Variants in CACNA1A observed in about 807,000 individuals in gnomAD.
CACNA1A encodes calcium voltage-gated channel subunit alpha1 A.
CACNA1A carries 57 observed loss-of-function variants against 262.4 expected under a neutral mutation model. The ratio of observed to expected loss-of-function variants is 0.22; its 90% CI spans 0.18 to 0.27. CACNA1A has a LOEUF of 0.27. Ranked by LOEUF, CACNA1A falls within the 10% of genes least tolerant of loss-of-function variation. CACNA1A has a pLI of 1.00. For synonymous variants in CACNA1A, 1,431 were observed against 1,419.3 expected, an observed-to-expected ratio of 1.01 and a Z score of -0.18; for missense variants, 2,526 against 3,562.8, an observed-to-expected ratio of 0.71 and a Z score of 7.41.
At chr19:13,358,722 G>A (rs1282151137) in intron 6 of CACNA1A, among the ~76,000 whole-genome samples, 1 of 152,146 alleles carries the variant, frequency 6.6e-6, no homozygotes, top group Non-Finnish European at 1.5e-5. Flanking sequence ...TTAAGATCTA[G>A]GGCAAGAGTA....
chr19:13,380,563 T>C (rs1459338102), intron 3 of CACNA1A, among the ~76,000 whole-genome samples: 1 of 139,964 alleles, frequency 7.1e-6, no homozygotes, highest in Non-Finnish European at 1.5e-5. Context: ...GGCGAACTGC[T>C]TGAACCCATG....
At chr19:13,380,729 ATTGG>A (rs1219630156) in intron 3 of CACNA1A, among the ~76,000 whole-genome samples, 1 of 139,056 alleles carries the variant, frequency 7.2e-6, no homozygotes, top group Non-Finnish European at 1.5e-5. Context: ...AAATTCATTT[ATTGG>A]TTTGTTTGTT....
intron 24 of CACNA1A, among the ~76,000 whole-genome samples, chr19:13,267,243 A>G (rs1358905682): frequency 6.6e-6 from 1 of 152,174 alleles, no homozygotes; most frequent in Non-Finnish European, 1.5e-5. Context: ...GTGGCCTCAG[A>G]AAAAAGAACA....
At position 13,500,776 on chromosome 19, in the gene CACNA1A, T is replaced by C. The variant is rs182917002; in HGVS notation, c.293+5156A>G. Among the ~76,000 whole-genome samples the C allele has an allele frequency of 4.6e-5, 7 of 152,312 alleles. 1 individual carries two copies. The highest frequency in any genetic ancestry group is 3.9e-4 in the Admixed American group (6 of 15,304). On this transcript the variant is annotated intron_variant, in intron 1 of 46. Coordinates refer to ENST00000360228, the MANE Select transcript of CACNA1A (RefSeq NM_001127222.2). ...TTTATAGCAGCTCTATTCATAATCA[T>C]TGAAACTGGAAGCATCCCAATGTCC...
chr19:13,388,245 CTTTTTTTTTTTTTTTTTTT>C (rs1161893626), intron 3 of CACNA1A, among the ~76,000 whole-genome samples: 2 of 85,682 alleles, frequency 2.3e-5, no homozygotes, highest in South Asian at 8.6e-4. Flanking sequence ...TCTTCCTCTT[CTTTTTTTTTTTTTTTTTTT>C]TTTTTTTTTG....
intron 1 of CACNA1A, among the ~76,000 whole-genome samples, chr19:13,459,845 CCATGCAG>C (rs1175278859): frequency 6.6e-6 from 1 of 152,162 alleles, no homozygotes; most frequent in African/African-American, 2.4e-5. Context: ...CAGAAGTCCA[CCATGCAG>C]CATGCAGCAC....
chr19:13,432,103 C>CAAAAAAAAAAAAAAAAAAAA (rs71170513), intron 3 of CACNA1A, among the ~76,000 whole-genome samples: 3 of 64,412 alleles, frequency 4.7e-5, no homozygotes, highest in African/African-American at 1.9e-4. Flanking sequence ...GACTCCGTCT[C>CAAAAAAAAAAAAAAAAAAAA]AAAAAAAAAA....
intron 35 of CACNA1A, among the ~76,000 whole-genome samples, chr19:13,230,996 T>TG (rs1226006504): frequency 1.3e-3 from 178 of 131,954 alleles, no homozygotes; most frequent in African/African-American, 3.9e-3. Context: ...TGTTTTTTTT[T>TG]TTTTTGTTTG....
At chr19:13,273,930 T>C (rs550968428) in intron 24 of CACNA1A, 1 of 133,258 alleles carries the variant, frequency 7.5e-6, no homozygotes, top group South Asian at 2.5e-4. Flanking sequence ...TTTTTTTTTT[T>C]AGAGATGGGG....
chr19:13,361,429 T>C (rs765722043), intron 5 of CACNA1A, among the ~76,000 whole-genome samples: 31 of 152,318 alleles, frequency 2.0e-4, no homozygotes, highest in Non-Finnish European at 4.1e-4. Context: ...ACAGCGGGTC[T>C]GAGAGGACCT....
chr19:13,255,081 T>G lies in CACNA1A; in HGVS notation c.4755+14A>C, dbSNP rs1600180237. On this transcript the variant is annotated intron_variant, in intron 29 of 46. Coordinates refer to ENST00000360228, the MANE Select transcript of CACNA1A (RefSeq NM_001127222.2). ...GGGGTTAAGTAGTGCTGGGGGCTGG[T>G]GTGGGGCACTTACCTTCATCATAAG... 6.2e-7 allele frequency: 1 copy of G among 1,613,304 alleles called. No individual in the cohort carries two copies. The highest frequency in any genetic ancestry group is 1.3e-5 in the African/African-American group (1 of 74,952).
intron 1 of CACNA1A, among the ~76,000 whole-genome samples, chr19:13,464,752 G>GT (rs1568672034): frequency 6.6e-6 from 1 of 151,624 alleles, no homozygotes; most frequent in East Asian, 2.0e-4. Context: ...GTTTCACCGT[G>GT]TTAGCCAGGG....
intron 38 of CACNA1A, among the ~76,000 whole-genome samples, 164 bp downstream of exon 38, chr19:13,224,503 A>C (rs2055361534): frequency 7.3e-6 from 1 of 137,208 alleles, no homozygotes; most frequent in South Asian, 2.3e-4. Context: ...AAAAAAAAAA[A>C]AACACCAAAA....
At chr19:13,501,172 A>G (rs570381668) in intron 1 of CACNA1A, among the ~76,000 whole-genome samples, 1 of 148,388 alleles carries the variant, frequency 6.7e-6, no homozygotes, top group Non-Finnish European at 1.5e-5. Flanking sequence ...ATTTTGCTAC[A>G]AATAAATTAT....
intron 1 of CACNA1A, among the ~76,000 whole-genome samples, chr19:13,475,386 AT>A (rs1282329681): frequency 2.0e-5 from 3 of 152,206 alleles, no homozygotes; most frequent in African/African-American, 7.2e-5. Flanking sequence ...ATCTTTGTGC[AT>A]CCATGACAGT....
At chr19:13,439,172 G>A (rs899536358) in intron 3 of CACNA1A, among the ~76,000 whole-genome samples, 8 of 145,890 alleles carry the variant, frequency 5.5e-5, no homozygotes, top group South Asian at 2.2e-4. Flanking sequence ...GCAGTGGTGC[G>A]ATCTTGGCTT....
At chr19:13,387,997 A>G (rs1432215671) in intron 3 of CACNA1A, among the ~76,000 whole-genome samples, 1 of 152,114 alleles carries the variant, frequency 6.6e-6, no homozygotes, top group Non-Finnish European at 1.5e-5. Context: ...GAGTGAGAAG[A>G]TGTTAGCATG....
Position 13,506,400 on chromosome 19 carries a change from C to A in CACNA1A, c.-176G>T. 4.5e-6 allele frequency: 2 copies of A among 440,408 alleles called. No individual in the cohort carries two copies. The highest frequency in any genetic ancestry group is 3.7e-6 in the Non-Finnish European group (1 of 269,342). The allele number at this position is 440,408 out of a possible 1,614,324, so 27.3% of individuals were successfully genotyped here. A position where few individuals can be genotyped will look rare whatever the true frequency, so the allele number is the denominator to read the frequency against. On this transcript the variant is annotated 5_prime_UTR_variant, in exon 1 of 47. Coordinates refer to ENST00000360228, the MANE Select transcript of CACNA1A (RefSeq NM_001127222.2). ...ATCGGGCGGCGGCGGCTCGGCGCCT[C>A]GGGTCGGGGGCTCAGAAGGCGGCTG...
In CACNA1A at chr19:13,241,553, GGAGC is replaced by G; in HGVS notation, c.4950+3625_4950+3628del. 1.5e-6 allele frequency: 2 copies of G among 1,321,444 alleles called. No individual in the cohort carries two copies. Among genetic ancestry groups the G allele is most frequent in the Non-Finnish European group, 2.1e-6 (2 of 946,386 alleles). The allele number at this position is 1,321,444 out of a possible 1,614,324, so 81.9% of individuals were successfully genotyped here. ...TAGATGCAGATGTTGAAGATGAGGG[GGAGC>G]GGGCGGGCGGGGGCAGTTGGGGAGG... On this transcript the variant is annotated intron_variant, in intron 31 of 46. Coordinates refer to ENST00000360228, the MANE Select transcript of CACNA1A (RefSeq NM_001127222.2). The surrounding 1 kb of genome is among the most constrained non-coding windows in gnomAD (Gnocchi z 4.0).
Sources: allele counts gnomAD v4.1 joint callset (sites outside exome capture counted in the v4.1 genomes callset), GRCh38; gene constraint gnomAD v4.1.1; non-coding constraint Gnocchi (gnomAD v3.1); transcripts MANE v1.5; gene names NCBI Gene and HGNC (gene_info 2026-07-23, HGNC 2026-07-21).